MGAT2: variants seen among roughly 807,000 people sequenced by gnomAD.
The protein encoded by MGAT2 is alpha-1,6-mannosyl-glycoprotein 2-beta-N-acetylglucosaminyltransferase.
A neutral mutation model predicts 33.8 loss-of-function variants in MGAT2; 17 were observed. The observed-to-expected ratio is 0.50, with a 90% CI of 0.34 to 0.76. MGAT2 has a LOEUF of 0.76. MGAT2 is among the 30% of genes least tolerant of loss of function. The pLI, the probability that MGAT2 is intolerant of heterozygous loss-of-function variation, is 0.01. For synonymous variants in MGAT2, 248 were observed against 226.7 expected (o/e 1.09, Z -0.84); for missense variants, 529 against 553.9 (o/e 0.96, Z 0.45).
chr14:49,622,048 G>A lies in MGAT2; in HGVS notation c.780G>A (p.Glu260=). 2.5e-6 allele frequency: 4 copies of A among 1,614,188 alleles called. No homozygotes were observed. Among genetic ancestry groups the A allele is most frequent in the South Asian group, 1.1e-5 (1 of 91,076 alleles). The part of the protein sequence containing the change: ...DYAGLILFLE[E]DHYLAPDFYH... ...CTGGCCTTATACTTTTCCTAGAAGA[G>A]GATCACTACTTAGCCCCAGACTTTT... is the stretch of plus-strand genomic sequence containing the variant. The change falls in exon 1 of 1, where the codon GAG becomes GAA. Residue 260 remains glutamate, a synonymous_variant. Coordinates refer to ENST00000305386, the MANE Select transcript of MGAT2 (RefSeq NM_002408.4).
chr14:49,621,849 G>C lies in MGAT2; in HGVS notation c.581G>C (p.Arg194Thr). Reference protein sequence around the residue: ...YPNEFPGSDPRDCPRDLPKNA... With the variant: ...YPNEFPGSDPTDCPRDLPKNA... ...AACGAGTTTCCAGGTAGTGACCCTA[G>C]AGATTGTCCCAGAGACCTGCCGAAG... Residue 194 changes from arginine to threonine, a missense_variant, in exon 1 of 1, where the codon AGA becomes ACA. Coordinates refer to ENST00000305386, the MANE Select transcript of MGAT2 (RefSeq NM_002408.4). This position sits in a 1 kb window ranked among gnomAD's most constrained non-coding sequence, Gnocchi z 4.6. 2 of 1,614,166 alleles carry C rather than the reference G, an allele frequency of 1.2e-6. No individual in the cohort carries two copies. Among genetic ancestry groups the C allele is most frequent in the Non-Finnish European group, 1.7e-6 (2 of 1,180,040 alleles).
Position 49,623,227 on chromosome 14 carries a change from T to A in MGAT2, c.*615T>A, listed in dbSNP as rs1594600470. 3 of 166,990 alleles carry A rather than the reference T, an allele frequency of 1.8e-5. No homozygotes were observed. In the East Asian group the frequency reaches 5.8e-4, roughly 32 times the overall value. 10.3% of individuals were successfully genotyped at this position (166,990 alleles called of 1,614,324 possible). Reference sequence around the variant, plus strand: ...GGAATGTATTTGATTGATAAGAAAGTTTAAACATTGTTTTCACCTCAATGT... The same window carrying A: ...GGAATGTATTTGATTGATAAGAAAGATTAAACATTGTTTTCACCTCAATGT... On this transcript the variant is annotated 3_prime_UTR_variant, in exon 1 of 1. Transcript: ENST00000305386.
Position 49,621,816 on chromosome 14 carries a change from T to C in MGAT2, c.548T>C (p.Leu183Ser). The change falls in exon 1 of 1, where the codon TTG becomes TCG. Residue 183 changes from leucine to serine, a missense_variant. Coordinates refer to ENST00000305386, the MANE Select transcript of MGAT2 (RefSeq NM_002408.4). The surrounding 1 kb of genome is among the most constrained non-coding windows in gnomAD (Gnocchi z 4.6). Reference sequence around the variant, plus strand: ...GTGTTCTTTCCTTTCAGCATTCAGTTGTACCCTAACGAGTTTCCAGGTAGT... The same window carrying C: ...GTGTTCTTTCCTTTCAGCATTCAGTCGTACCCTAACGAGTTTCCAGGTAGT... ...LQVFFPFSIQ[L>S]YPNEFPGSDP... is the part of the protein sequence containing the mutation. 1 of 1,614,180 alleles carries C rather than the reference T, an allele frequency of 6.2e-7. No homozygotes were observed. The highest frequency in any genetic ancestry group is 8.5e-7 in the Non-Finnish European group (1 of 1,180,030).
Position 49,622,822 on chromosome 14 carries a change from C to T in MGAT2, c.*210C>T. ...TCATTTTGGGAGTAGGGTTTTAAAGCTCAATCTGTTATCTGCTAAAATTGA... is the reference window on the plus strand; with the variant it reads ...TCATTTTGGGAGTAGGGTTTTAAAGTTCAATCTGTTATCTGCTAAAATTGA... On this transcript the variant is annotated 3_prime_UTR_variant, in exon 1 of 1. Transcript: ENST00000305386. 2.3e-6 allele frequency: 1 copy of T among 428,216 alleles called. No homozygotes were observed. 26.5% of individuals were successfully genotyped at this position (428,216 alleles called of 1,614,324 possible).
In MGAT2 at chr14:49,621,881, G is replaced by C; in HGVS notation, c.613G>C (p.Ala205Pro). 1 of 1,614,176 alleles carries C rather than the reference G, an allele frequency of 6.2e-7. No homozygotes were observed. Among genetic ancestry groups the C allele is most frequent in the Non-Finnish European group, 8.5e-7 (1 of 1,180,030 alleles). The change falls in exon 1 of 1, where the codon GCT (alanine) becomes CCT (proline). Residue 205 changes from alanine (A) to proline (P), a missense_variant. By Grantham distance (27) the Ala-to-Pro change is conservative. Transcript: ENST00000305386. The surrounding 1 kb of genome is among the most constrained non-coding windows in gnomAD (Gnocchi z 4.6). ...TCCCAGAGACCTGCCGAAGAATGCC[G>C]CTTTGAAATTGGGGTGCATCAATGC... ...DCPRDLPKNA[A>P]LKLGCINAEY...
rs1566505625 is a variant in MGAT2, at chr14:49,622,616, TCA to T, written c.*7_*8del. On this transcript the variant is annotated 3_prime_UTR_variant, in exon 1 of 1. Transcript: ENST00000305386. ...AAGTTATAGAAGACTGCAGTGAAAA[TCA>T]CAGTTACAAAAGCGACAGTCTTCTA... 21 of 1,596,232 alleles carry T rather than the reference TCA, an allele frequency of 1.3e-5. No individual in the cohort carries two copies. Among genetic ancestry groups the T allele is most frequent in the South Asian group, 2.3e-5 (2 of 88,046 alleles).
chr14:49,622,469 A>G lies in MGAT2; in HGVS notation c.1201A>G (p.Asn401Asp). The G allele has an allele frequency of 1.2e-6, 2 of 1,611,772 alleles. No homozygotes were observed. Among genetic ancestry groups the G allele is most frequent in the Non-Finnish European group, 8.5e-7 (1 of 1,178,982 alleles). Residue 401 changes from asparagine to aspartate, a missense_variant, in exon 1 of 1, where the codon AAT (asparagine) becomes GAT (aspartate). This residue lies in a region of MGAT2 where 501 missense variants were observed against 501.1 expected (regional missense o/e 1.00). Transcript: ENST00000305386. ...QSAQIESLLN[N>D]NKQYMFPETL... ...TGCCCAAATTGAGTCACTCTTAAAT[A>G]ATAACAAACAATACATGTTTCCAGA...
In MGAT2 at chr14:49,621,444, C is replaced by T. The variant is rs1882845742; in HGVS notation, c.176C>T (p.Ser59Phe). Reference protein sequence around the residue: ...GAGGRGGDHPSVAVGIRRVSN... With the variant: ...GAGGRGGDHPFVAVGIRRVSN... ...GGCGGCCGCGGTGGGGACCACCCCTCTGTGGCTGTGGGCATCCGCAGGGTC... is the reference window on the plus strand; with the variant it reads ...GGCGGCCGCGGTGGGGACCACCCCTTTGTGGCTGTGGGCATCCGCAGGGTC... The change falls in exon 1 of 1, where the codon TCT (serine) becomes TTT (phenylalanine). Residue 59 changes from serine (S) to phenylalanine (F), a missense_variant. Physicochemically the swap from Ser to Phe is radical, Grantham distance 155. Transcript: ENST00000305386. The surrounding 1 kb of genome is among the most constrained non-coding windows in gnomAD (Gnocchi z 4.6). The T allele has an allele frequency of 6.2e-7, 1 of 1,606,976 alleles. No individual in the cohort carries two copies. Among genetic ancestry groups the T allele is most frequent in the African/African-American group, 1.3e-5 (1 of 74,802 alleles).
Position 49,621,780 on chromosome 14 carries a change from C to T in MGAT2, c.512C>T (p.Pro171Leu). The change falls in exon 1 of 1, where the codon CCG becomes CTG. Residue 171 changes from proline (P) to leucine (L), a missense_variant. Pro to Leu is a moderately conservative substitution (Grantham distance 98). Transcript: ENST00000305386. This position sits in a 1 kb window ranked among gnomAD's most constrained non-coding sequence, Gnocchi z 4.6. ...NQLIAGVNFCPVLQVFFPFSI... is the reference protein window; with the variant it reads ...NQLIAGVNFCLVLQVFFPFSI... ...CTGATCGCCGGGGTGAATTTCTGTCCGGTTCTGCAGGTGTTCTTTCCTTTC... is the reference window on the plus strand; with the variant it reads ...CTGATCGCCGGGGTGAATTTCTGTCTGGTTCTGCAGGTGTTCTTTCCTTTC... The T allele has an allele frequency of 6.2e-7, 1 of 1,614,078 alleles. No homozygotes were observed. Among genetic ancestry groups the T allele is most frequent in the South Asian group, 1.1e-5 (1 of 91,062 alleles).
chr14:49,621,328 C>G lies in MGAT2; in HGVS notation c.60C>G (p.Cys20Trp), dbSNP rs1470087519. 2.0e-5 allele frequency: 33 copies of G among 1,612,414 alleles called. No individual in the cohort carries two copies. The highest frequency in any genetic ancestry group is 2.6e-5 in the Non-Finnish European group (31 of 1,179,772). The change falls in exon 1 of 1, where the codon TGC becomes TGG. Residue 20 changes from cysteine to tryptophan, a missense_variant. Coordinates refer to ENST00000305386, the MANE Select transcript of MGAT2 (RefSeq NM_002408.4). The surrounding 1 kb of genome is among the most constrained non-coding windows in gnomAD (Gnocchi z 4.6). ...VLILTLVVAA[C>W]GFVLWSSNGR... is the part of the protein sequence containing the mutation. ...TCCTGACGCTCGTGGTGGCCGCCTG[C>G]GGCTTCGTCCTCTGGAGCAGCAATG...
rs1430358404 is a variant in MGAT2, at chr14:49,622,762, C to G, written c.*150C>G. The G allele has an allele frequency of 4.3e-6, 3 of 703,360 alleles. No homozygotes were observed. Among genetic ancestry groups the G allele is most frequent in the Non-Finnish European group, 6.5e-6 (3 of 461,090 alleles). 43.6% of individuals were successfully genotyped at this position (703,360 alleles called of 1,614,324 possible). A position where few individuals can be genotyped will look rare whatever the true frequency, so the allele number is the denominator to read the frequency against. ...TGTCCAAATACATAGTAATCTTTTC[C>G]AGTTATGTCTGATTAAGATTTAAAA... On this transcript the variant is annotated 3_prime_UTR_variant, in exon 1 of 1. Transcript: ENST00000305386.
In MGAT2 at chr14:49,623,403, G is replaced by A. The variant is rs557292347; in HGVS notation, c.*791G>A. 4.2e-5 allele frequency: 7 copies of A among 167,086 alleles called. No homozygotes were observed. Among genetic ancestry groups the A allele is most frequent in the South Asian group, 2.1e-4 (1 of 4,826 alleles). 10.4% of individuals were successfully genotyped at this position (167,086 alleles called of 1,614,324 possible). ...AGTGAAGGCATTCTACAAGTTTTGA[G>A]TTAGCATTACATTTTAATATTTACT... On this transcript the variant is annotated 3_prime_UTR_variant, in exon 1 of 1. Coordinates refer to ENST00000305386, the MANE Select transcript of MGAT2 (RefSeq NM_002408.4).
rs372538664 is a variant in MGAT2 at position 49,621,498 on chromosome 14, C to G, written c.230C>G (p.Pro77Arg). The change falls in exon 1 of 1, where the codon CCG (proline) becomes CGG (arginine). Residue 77 changes from proline (P) to arginine (R), a missense_variant. Around this residue, in one of 2 missense-constraint regions of MGAT2, gnomAD observed 501 missense variants for 501.1 expected, o/e 1.00. Transcript: ENST00000305386. This position sits in a 1 kb window ranked among gnomAD's most constrained non-coding sequence, Gnocchi z 4.6. ...AACGTGTCGGCGGCTTCCCTGGTCC[C>G]GGCGGTCCCCCAGCCCGAGGCGGAC... ...VSNVSAASLV[P>R]AVPQPEADNL... 2 of 1,610,898 alleles carry G rather than the reference C, an allele frequency of 1.2e-6. No individual in the cohort carries two copies. Among genetic ancestry groups the G allele is most frequent in the South Asian group, 1.1e-5 (1 of 91,048 alleles).
In MGAT2 at chr14:49,622,403, G is replaced by T; in HGVS notation, c.1135G>T (p.Gly379Cys). The T allele has an allele frequency of 1.2e-6, 2 of 1,614,106 alleles. No individual in the cohort carries two copies. The highest frequency in any genetic ancestry group is 1.7e-6 in the Non-Finnish European group (2 of 1,180,036). ...IPRIFHAGDCGMHHKKTCRPS... is the reference protein window; with the variant it reads ...IPRIFHAGDCCMHHKKTCRPS... ...TAGGATCTTTCATGCTGGAGACTGT[G>T]GTATGCATCACAAGAAAACCTGTAG... The change falls in exon 1 of 1, where the codon GGT becomes TGT. Residue 379 changes from glycine to cysteine, a missense_variant. Physicochemically the swap from Gly to Cys is radical, Grantham distance 159. Coordinates refer to ENST00000305386, the MANE Select transcript of MGAT2 (RefSeq NM_002408.4).
chr14:49,623,386 C>A lies in MGAT2; in HGVS notation c.*774C>A, dbSNP rs1882911118. On this transcript the variant is annotated 3_prime_UTR_variant, in exon 1 of 1. Coordinates refer to ENST00000305386, the MANE Select transcript of MGAT2 (RefSeq NM_002408.4). ...TCTTTATACCAAAATTCAGTGAAGG[C>A]ATTCTACAAGTTTTGAGTTAGCATT... is the stretch of plus-strand genomic sequence containing the variant. 6.0e-6 allele frequency: 1 copy of A among 166,944 alleles called. No homozygotes were observed. Among genetic ancestry groups the A allele is most frequent in the Non-Finnish European group, 1.5e-5 (1 of 68,098 alleles). 10.3% of individuals were successfully genotyped at this position (166,944 alleles called of 1,614,324 possible).
Position 49,622,193 on chromosome 14 carries a change from G to A in MGAT2, c.925G>A (p.Val309Met), listed in dbSNP as rs773407945. Reference sequence around the variant, plus strand: ...CTATGGCATGGCTGACAAGGTAGATGTGAAAACTTGGAAATCCACAGAGCA... The same window carrying A: ...CTATGGCATGGCTGACAAGGTAGATATGAAAACTTGGAAATCCACAGAGCA... ...SFYGMADKVDVKTWKSTEHNM... is the reference protein window; with the variant it reads ...SFYGMADKVDMKTWKSTEHNM... The change falls in exon 1 of 1, where the codon GTG (valine) becomes ATG (methionine). Residue 309 changes from valine to methionine, a missense_variant. Physicochemically the swap from Val to Met is conservative, Grantham distance 21. Transcript: ENST00000305386. 1.2e-6 allele frequency: 2 copies of A among 1,614,148 alleles called. No individual in the cohort carries two copies. The highest frequency in any genetic ancestry group is 1.1e-5 in the South Asian group (1 of 91,090).
chr14:49,621,451 T>C lies in MGAT2; in HGVS notation c.183T>C (p.Ala61=), dbSNP rs768833834. Reference sequence around the variant, plus strand: ...GCGGTGGGGACCACCCCTCTGTGGCTGTGGGCATCCGCAGGGTCTCCAACG... The same window carrying C: ...GCGGTGGGGACCACCCCTCTGTGGCCGTGGGCATCCGCAGGGTCTCCAACG... ...GGRGGDHPSV[A]VGIRRVSNVS... The change falls in exon 1 of 1, where the codon GCT becomes GCC. Residue 61 remains alanine (A), a synonymous_variant. Coordinates refer to ENST00000305386, the MANE Select transcript of MGAT2 (RefSeq NM_002408.4). The surrounding 1 kb of genome is among the most constrained non-coding windows in gnomAD (Gnocchi z 4.6). 1 of 1,606,676 alleles carries C rather than the reference T, an allele frequency of 6.2e-7. No individual in the cohort carries two copies. The highest frequency in any genetic ancestry group is 8.5e-7 in the Non-Finnish European group (1 of 1,175,300).
At position 49,620,886 on chromosome 14, in the gene MGAT2, G is replaced by A. The variant is rs1287929154; in HGVS notation, c.-383G>A. On this transcript the variant is annotated 5_prime_UTR_variant, in exon 1 of 1. The change abolishes an upstream ATG in the 5' untranslated region. Coordinates refer to ENST00000305386, the MANE Select transcript of MGAT2 (RefSeq NM_002408.4). Reference sequence around the variant, plus strand: ...GGCCGTCTAGGGCCCCTGTAAGGATGAGAGCGCAGAGGACGCAGGGCCGCT... The same window carrying A: ...GGCCGTCTAGGGCCCCTGTAAGGATAAGAGCGCAGAGGACGCAGGGCCGCT... 1.4e-6 allele frequency: 1 copy of A among 698,146 alleles called. No homozygotes were observed. The highest frequency in any genetic ancestry group is 2.6e-6 in the Non-Finnish European group (1 of 383,006). 43.2% of individuals were successfully genotyped at this position (698,146 alleles called of 1,614,324 possible).
chr14:49,622,626 A>G lies in MGAT2; in HGVS notation c.*14A>G, dbSNP rs751023111. The stretch of plus-strand genomic sequence containing the variant: ...AGACTGCAGTGAAAATCACAGTTAC[A>G]AAAGCGACAGTCTTCTATTTTTGAT... On this transcript the variant is annotated 3_prime_UTR_variant, in exon 1 of 1. Coordinates refer to ENST00000305386, the MANE Select transcript of MGAT2 (RefSeq NM_002408.4). The G allele has an allele frequency of 1.0e-5, 16 of 1,595,070 alleles. No individual in the cohort carries two copies. Among genetic ancestry groups the G allele is most frequent in the Non-Finnish European group, 9.4e-6 (11 of 1,174,506 alleles).
Sources: gnomAD v4.1 joint callset for allele counts on GRCh38, gnomAD v4.1.1 for gene constraint, gnomAD v4.1.1 regional missense constraint, Gnocchi (gnomAD v3.1) non-coding constraint, MANE v1.5 for transcripts, NCBI Gene and HGNC (gene_info 2026-07-23, HGNC 2026-07-21) for gene names.